SLC22A25: variants seen among roughly 807,000 people sequenced by gnomAD.
SLC22A25 encodes the protein solute carrier family 22 member 25.
In SLC22A25, 44 loss-of-function variants were observed where a neutral mutation model predicts 45.9. The ratio of observed to expected loss-of-function variants is 0.96; its 90% confidence interval spans 0.75 to 1.23. The LOEUF is 1.23. Ranked by LOEUF, SLC22A25 falls within the 50% of genes most tolerant of loss-of-function variation. SLC22A25 has a pLI of 0.00. For synonymous variants in SLC22A25, 283 were observed against 238.6 expected (o/e 1.19, Z -1.72); for missense variants, 800 against 666.4 (o/e 1.20, Z -2.21).
chr11:63,211,527 G>A (rs1376128157), intron 7 of SLC22A25, among the ~76,000 whole-genome samples: 2 of 152,086 alleles, frequency 1.3e-5, no homozygotes, highest in African/African-American at 4.8e-5. Context: ...TGCCAGTGGG[G>A]GCAATTGCAA....
At position 63,229,657 on chromosome 11, in the gene SLC22A25, G is replaced by A. The variant is rs776703985; in HGVS notation, c.-5C>T. 4.4e-6 allele frequency: 7 copies of A among 1,597,140 alleles called. No homozygotes were observed. The Admixed American group carries it at 8.4e-5, about 19-fold the overall frequency. The stretch of plus-strand genomic sequence containing the variant: ...TAGGAGGTCCTGAAAGGCCATTGAG[G>A]CTGGACAAGTGATCCCCAAGAGGAG... On this transcript the variant is annotated 5_prime_UTR_variant, in exon 4 of 12. Transcript: ENST00000306494.
In SLC22A25 at chr11:63,209,417, G is replaced by A. The variant is rs563031919; in HGVS notation, c.830+7897C>T. On this transcript the variant is annotated intron_variant, in intron 7 of 11. Transcript: ENST00000306494. The stretch of plus-strand genomic sequence containing the variant: ...GGCCCCCATATGTGCCAGTCTACCC[G>A]TCTTTGGCCAGAATAAGGCAGGAGG... Among the ~76,000 whole-genome samples the A allele has an allele frequency of 3.8e-4, 58 of 152,212 alleles. No individual in the cohort carries two copies. The South Asian group carries it at 7.0e-3, about 18-fold the overall frequency.
chr11:63,172,862 A>G (rs1225047201), intron 9 of SLC22A25, among the ~76,000 whole-genome samples: 1 of 152,116 alleles, frequency 6.6e-6, no homozygotes, highest in African/African-American at 2.4e-5. Context: ...CAATCCAATT[A>G]CTGGGTATAT....
At chr11:63,220,207 A>G (rs1288688272) in intron 5 of SLC22A25, among the ~76,000 whole-genome samples, 1 of 152,170 alleles carries the variant, frequency 6.6e-6, no homozygotes, top group East Asian at 1.9e-4. Flanking sequence ...TCAGGACACC[A>G]TCAATGACAC....
chr11:63,235,293 G>A (rs2090144481), intron 3 of SLC22A25, among the ~76,000 whole-genome samples: 1 of 152,206 alleles, frequency 6.6e-6, no homozygotes, highest in Non-Finnish European at 1.5e-5. Context: ...GTTAGACGTA[G>A]ATTTGTTCTT....
intron 7 of SLC22A25, among the ~76,000 whole-genome samples, chr11:63,194,889 GCAAAAAAAAAAAAAAAAAAAA>G (rs2088953242): frequency 7.0e-5 from 1 of 14,288 alleles, no homozygotes; most frequent in Non-Finnish European, 1.4e-4. Flanking sequence ...CAAATGGAAA[GCAAAAAAAAAAAAAAAAAAAA>G]AAAAAAAAAA....
intron 3 of SLC22A25, among the ~76,000 whole-genome samples, chr11:63,237,068 T>C (rs2090177315): frequency 6.6e-6 from 1 of 152,206 alleles, no homozygotes; most frequent in African/African-American, 2.4e-5. Context: ...CTATTGTGAT[T>C]GTATTAAGAG....
intron 7 of SLC22A25, among the ~76,000 whole-genome samples, chr11:63,202,834 G>A (rs1165999173): frequency 6.6e-6 from 1 of 152,198 alleles, no homozygotes; most frequent in African/African-American, 2.4e-5. Context: ...CCTCAAGTGG[G>A]TCCCTGACCC....
intron 7 of SLC22A25, among the ~76,000 whole-genome samples, chr11:63,212,817 ATTC>A (rs2089610951): frequency 6.6e-6 from 1 of 151,274 alleles, no homozygotes; most frequent in African/African-American, 2.4e-5. Context: ...AAAAAAAAAA[ATTC>A]TACCATTTTT....
At chr11:63,235,294 A>T (rs529517931) in intron 3 of SLC22A25, among the ~76,000 whole-genome samples, 1 of 152,246 alleles carries the variant, frequency 6.6e-6, no homozygotes, top group East Asian at 1.9e-4. Flanking sequence ...TTAGACGTAG[A>T]TTTGTTCTTT....
rs559592117 is a variant in SLC22A25, at chr11:63,202,703, G to C, written c.830+14611C>G. Among the ~76,000 whole-genome samples the C allele has an allele frequency of 2.0e-5, 3 of 152,202 alleles. No individual in the cohort carries two copies. In the South Asian group the frequency reaches 6.2e-4, roughly 31 times the overall value. On this transcript the variant is annotated intron_variant, in intron 7 of 11. Transcript: ENST00000306494. Reference sequence around the variant, plus strand: ...CACATATCCCTGGGACAGGGCACGTGGGGGAAGGGGCGGCTGTGGGCGCAG... The same window carrying C: ...CACATATCCCTGGGACAGGGCACGTCGGGGAAGGGGCGGCTGTGGGCGCAG...
chr11:63,222,966 G>A (rs1388178126), intron 5 of SLC22A25, among the ~76,000 whole-genome samples: 2 of 151,770 alleles, frequency 1.3e-5, no homozygotes, highest in Non-Finnish European at 2.9e-5. Flanking sequence ...TGTATCCCTG[G>A]TTCAAAATCC....
chr11:63,229,738 C>A lies in SLC22A25; in HGVS notation c.-86G>T. 1 of 1,377,512 alleles carries A rather than the reference C, an allele frequency of 7.3e-7. No homozygotes were observed. The highest frequency in any genetic ancestry group is 9.8e-7 in the Non-Finnish European group (1 of 1,016,182). The allele number at this position is 1,377,512 out of a possible 1,614,324, so 85.3% of individuals were successfully genotyped here. On this transcript the variant is annotated 5_prime_UTR_variant, in exon 4 of 12. Coordinates refer to ENST00000306494, the MANE Select transcript of SLC22A25 (RefSeq NM_199352.6). ...GAGAAAATATTTCCTTTCCTTAAATCACACTAAGTGTGTGTGTTGATCCTG... is the reference window on the plus strand; with the variant it reads ...GAGAAAATATTTCCTTTCCTTAAATAACACTAAGTGTGTGTGTTGATCCTG...
At chr11:63,231,068 G>A (rs1485115036) in intron 3 of SLC22A25, among the ~76,000 whole-genome samples, 1 of 152,122 alleles carries the variant, frequency 6.6e-6, no homozygotes, top group African/African-American at 2.4e-5. Flanking sequence ...CATTTGGGTT[G>A]GTTCCAAGTC....
chr11:63,173,704 T>C (rs1455771112), intron 9 of SLC22A25, among the ~76,000 whole-genome samples: 2 of 152,126 alleles, frequency 1.3e-5, no homozygotes, highest in Admixed American at 6.6e-5. Context: ...TACTTCCTTA[T>C]GTATACTGCT....
chr11:63,174,670 A>G (rs2088021572), intron 9 of SLC22A25, among the ~76,000 whole-genome samples: 1 of 152,136 alleles, frequency 6.6e-6, no homozygotes, highest in Admixed American at 6.6e-5. Flanking sequence ...AAAATGCATA[A>G]CACGAGTTCT....
chr11:63,229,515 A>T lies in SLC22A25; in HGVS notation c.138T>A (p.Asp46Glu). 1 of 1,614,146 alleles carries T rather than the reference A, an allele frequency of 6.2e-7. No individual in the cohort carries two copies. Among genetic ancestry groups the T allele is most frequent in the Non-Finnish European group, 8.5e-7 (1 of 1,179,988 alleles). Residue 46 changes from aspartate (D) to glutamate (E), a missense_variant, in exon 4 of 12, where the codon GAT (aspartate) becomes GAA (glutamate). By Grantham distance (45) the Asp-to-Glu change is conservative. Coordinates refer to ENST00000306494, the MANE Select transcript of SLC22A25 (RefSeq NM_199352.6). ...CCAGTATATGAACCCAGCAGCGATG[A>T]TCAAGTATGAATGCTGCGAAGTTCT... ...QLENFAAFIL[D>E]HRCWVHILDN...
chr11:63,186,007 T>A (rs1470358594), intron 7 of SLC22A25, among the ~76,000 whole-genome samples: 2 of 152,050 alleles, frequency 1.3e-5, no homozygotes, highest in Non-Finnish European at 2.9e-5. Context: ...TAAACATACG[T>A]GTGCATGTGT....
chr11:63,219,016 T>C (rs1216861651), intron 5 of SLC22A25, among the ~76,000 whole-genome samples: 1 of 152,218 alleles, frequency 6.6e-6, no homozygotes, highest in African/African-American at 2.4e-5. Context: ...AAAATGCTAC[T>C]AGAACTAATT....
Sources: gnomAD v4.1 joint callset for allele counts (sites outside exome capture counted in the v4.1 genomes callset) on GRCh38, gnomAD v4.1.1 for gene constraint, MANE v1.5 for transcripts, NCBI Gene and HGNC (gene_info 2026-07-23, HGNC 2026-07-21) for gene names.